The following NIPA1 variants were observed in gnomAD, a reference collection of about 807,000 sequenced individuals.
NIPA1 encodes magnesium transporter NIPA1.
A neutral mutation model predicts 23.9 loss-of-function variants in NIPA1; 13 were observed. The ratio of observed to expected loss-of-function variants is 0.54; its 90% CI spans 0.35 to 0.87. The LOEUF (loss-of-function observed/expected upper bound fraction) is 0.87, where lower values mean the gene tolerates loss of function less well. Among genes scored for constraint, NIPA1 ranks in the 40% least tolerant of loss-of-function variants. The pLI is 0.01. For synonymous variants in NIPA1, 234 were observed against 202.9 expected, an observed-to-expected ratio of 1.15 and a Z score of -1.30; for missense variants, 362 against 429.7, an observed-to-expected ratio of 0.84 and a Z score of 1.39.
intron 1 of NIPA1, among the ~76,000 whole-genome samples, chr15:22,809,195 T>C (rs1256985114): frequency 6.6e-6 from 1 of 151,996 alleles, no homozygotes; most frequent in East Asian, 1.9e-4. Flanking sequence ...AAGACCAGCC[T>C]GGCCAATATA....
rs1895147964 is a variant in NIPA1, at chr15:22,804,109, TGGGATTA to T, written c.179-6639_179-6633del. Among the ~76,000 whole-genome samples the T allele has an allele frequency of 3.9e-5, 6 of 152,162 alleles. No homozygotes were observed. The South Asian group carries it at 1.0e-3, about 26-fold the overall frequency. ...CTCCTGCGTCAGCGTCCTGAGTAGC[TGGGATTA>T]CAGGCATGAACCACCACATCCAGCT... On this transcript the variant is annotated intron_variant, in intron 1 of 4. Coordinates refer to ENST00000337435, the MANE Select transcript of NIPA1 (RefSeq NM_144599.5).
chr15:22,787,363 G>T (rs1000547745), intron 1 of NIPA1, among the ~76,000 whole-genome samples: 2 of 152,226 alleles, frequency 1.3e-5, no homozygotes, highest in Non-Finnish European at 2.9e-5. Context: ...GGGCCTCGCT[G>T]GTGCAAAAGG....
intron 1 of NIPA1, among the ~76,000 whole-genome samples, chr15:22,805,727 C>T (rs968630968): frequency 3.3e-5 from 5 of 152,018 alleles, no homozygotes; most frequent in African/African-American, 1.2e-4. Context: ...AACTATGTTA[C>T]ATCTTTTTTA....
At position 22,786,725 on chromosome 15, in the gene NIPA1, G is replaced by A. The variant is rs1173164194; in HGVS notation, c.69G>A (p.Pro23=). Reference sequence around the variant, plus strand: ...CGGCCGGGGAGGGGGCGCGTAGCCCGAGCCCCGCCGCCGTGTCGCTCGGCC... The same window carrying A: ...CGGCCGGGGAGGGGGCGCGTAGCCCAAGCCCCGCCGCCGTGTCGCTCGGCC... The part of the protein sequence containing the change: ...AAAAGEGARS[P]SPAAVSLGLG... Residue 23 remains proline (P), a synonymous_variant, in exon 1 of 5, where the codon CCG becomes CCA. Coordinates refer to ENST00000337435, the MANE Select transcript of NIPA1 (RefSeq NM_144599.5). 3 of 1,232,932 alleles carry A rather than the reference G, an allele frequency of 2.4e-6. No individual in the cohort carries two copies. The highest frequency in any genetic ancestry group is 2.7e-5 in the Admixed American group (1 of 37,548). 76.4% of individuals were successfully genotyped at this position (1,232,932 alleles called of 1,614,324 possible). A position where few individuals can be genotyped will look rare whatever the true frequency, so the allele number is the denominator to read the frequency against.
intron 3 of NIPA1, among the ~76,000 whole-genome samples, chr15:22,813,325 T>A (rs917690810): frequency 2.0e-5 from 3 of 152,116 alleles, no homozygotes; most frequent in Non-Finnish European, 2.9e-5. Flanking sequence ...TTCTCCATTT[T>A]AAATCATCTT....
At chr15:22,814,079 G>T (rs1333467182) in intron 3 of NIPA1, 1 of 1,274,122 alleles carries the variant, frequency 7.8e-7, no homozygotes, top group Non-Finnish European at 1.0e-6. Flanking sequence ...CTCCACATCT[G>T]CAGGTGTTAC....
At chr15:22,823,588 C>A in intron 4 of NIPA1, 140 bp from the exon 5 acceptor site, 1 of 766,460 alleles carries the variant, frequency 1.3e-6, no homozygotes, top group Non-Finnish European at 2.2e-6. Flanking sequence ...AAGCCAGAGC[C>A]CACATGCTCC....
chr15:22,824,473 C>A lies in NIPA1; in HGVS notation c.*234C>A. On this transcript the variant is annotated 3_prime_UTR_variant, in exon 5 of 5. Transcript: ENST00000337435. The surrounding 1 kb of genome is among the most constrained non-coding windows in gnomAD (Gnocchi z 4.1). The stretch of plus-strand genomic sequence containing the variant: ...CTGGCACCATCTCTCTCTGATGAGA[C>A]GAATCTCATTTTCATTTCCATTAAC... The A allele has an allele frequency of 1.9e-6, 1 of 530,348 alleles. No homozygotes were observed. Among genetic ancestry groups the A allele is most frequent in the East Asian group, 3.2e-5 (1 of 31,558 alleles). The allele number at this position is 530,348 out of a possible 1,614,324, so 32.9% of individuals were successfully genotyped here. A position where few individuals can be genotyped will look rare whatever the true frequency, so the allele number is the denominator to read the frequency against.
rs748691188 is a variant in NIPA1, at chr15:22,817,671, G to A, written c.318-2642G>A. The stretch of plus-strand genomic sequence containing the variant: ...ATACAAAAAATTAGCCGGGCGTAGT[G>A]GCAGGCACCTGTAGTCCCAGCTACT... On this transcript the variant is annotated intron_variant, in intron 3 of 4. Transcript: ENST00000337435. Among the ~76,000 whole-genome samples, 283 of 151,906 alleles carry A rather than the reference G, an allele frequency of 1.9e-3. 2 individuals are homozygous for A. The highest frequency in any genetic ancestry group is 3.4e-3 in the Non-Finnish European group (234 of 67,980).
At position 22,828,756 on chromosome 15, in the gene NIPA1, C is replaced by A. The variant is rs1895698674; in HGVS notation, c.*4517C>A. 1 of 152,602 alleles carries A rather than the reference C, an allele frequency of 6.6e-6. No homozygotes were observed. Among genetic ancestry groups the A allele is most frequent in the African/African-American group, 2.4e-5 (1 of 41,420 alleles). 9.5% of individuals were successfully genotyped at this position (152,602 alleles called of 1,614,324 possible). ...AGCCAGGGAGGAGGATGTTTTTCTT[C>A]TTTTCTCTATTTTTCCCTAAATTGT... On this transcript the variant is annotated 3_prime_UTR_variant, in exon 5 of 5. Coordinates refer to ENST00000337435, the MANE Select transcript of NIPA1 (RefSeq NM_144599.5).
At chr15:22,794,748 T>A (rs1355159616) in intron 1 of NIPA1, among the ~76,000 whole-genome samples, 1 of 152,062 alleles carries the variant, frequency 6.6e-6, no homozygotes, top group Non-Finnish European at 1.5e-5. Flanking sequence ...ACGCTCCTCA[T>A]ACCTGGGCAC....
At chr15:22,787,480 AAC>A (rs1211659205) in intron 1 of NIPA1, among the ~76,000 whole-genome samples, 1 of 152,178 alleles carries the variant, frequency 6.6e-6, no homozygotes, top group African/African-American at 2.4e-5. Flanking sequence ...CAGTTTGGAG[AAC>A]ACGCGCGGCA....
intron 1 of NIPA1, among the ~76,000 whole-genome samples, chr15:22,793,026 A>G (rs1179896964): frequency 6.6e-6 from 1 of 151,944 alleles, no homozygotes; most frequent in East Asian, 1.9e-4. Context: ...ACACCACTGC[A>G]CTCCAGCCTG....
chr15:22,812,556 GAC>G (rs745479745), intron 3 of NIPA1, among the ~76,000 whole-genome samples: 3 of 151,770 alleles, frequency 2.0e-5, no homozygotes, highest in Non-Finnish European at 2.9e-5. Context: ...GGGAGGGTGA[GAC>G]ACAAGAATTG....
Position 22,793,090 on chromosome 15 carries a change from C to T in NIPA1, c.178+6256C>T, listed in dbSNP as rs1039113406. On this transcript the variant is annotated intron_variant, in intron 1 of 4. Transcript: ENST00000337435. ...ATCCCGGGCGTGCGGTGGCTCATGC[C>T]TATAATCACAGCACTTTGGGACACC... 2.0e-5 allele frequency among the ~76,000 whole-genome samples: 3 copies of T among 151,606 alleles called. 1 individual carries two copies. Among genetic ancestry groups the T allele is most frequent in the Admixed American group, 1.3e-4 (2 of 15,228 alleles).
At chr15:22,806,069 G>A (rs375106985) in intron 1 of NIPA1, among the ~76,000 whole-genome samples, 88 of 152,104 alleles carry the variant, frequency 5.8e-4, no homozygotes, top group African/African-American at 1.8e-3. Flanking sequence ...GACTACAGGC[G>A]CCCGCCACCA....
intron 3 of NIPA1, chr15:22,819,266 A>C (rs142097683): frequency 6.6e-6 from 1 of 152,224 alleles, no homozygotes; most frequent in East Asian, 1.9e-4. Context: ...CTGAGGCTCA[A>C]GTTTCCTTAT....
At chr15:22,786,868 G>GC in intron 1 of NIPA1, 34 bp downstream of exon 1, 1 of 955,976 alleles carries the variant, frequency 1.0e-6, no homozygotes, top group African/African-American at 1.7e-5. Flanking sequence ...GCGGCGGGCG[G>GC]GTGGGGGAGG....
At chr15:22,820,705 G>A (rs763548532) in intron 4 of NIPA1, among the ~76,000 whole-genome samples, 37 of 121,460 alleles carry the variant, frequency 3.0e-4, no homozygotes, top group Non-Finnish European at 4.7e-4. Flanking sequence ...GGGAGCCTCC[G>A]TGGCCTGGTA....
Sources: gnomAD v4.1 joint callset for allele counts (sites outside exome capture counted in the v4.1 genomes callset) on GRCh38, gnomAD v4.1.1 for gene constraint, Gnocchi (gnomAD v3.1) non-coding constraint, MANE v1.5 for transcripts, NCBI Gene and HGNC (gene_info 2026-07-23, HGNC 2026-07-21) for gene names.